The following KATNAL2 variants were observed in gnomAD, a reference collection of about 807,000 sequenced individuals.
KATNAL2 encodes katanin p60 ATPase-containing subunit A-like 2.
KATNAL2 carries 52 observed loss-of-function variants against 76.3 expected under a neutral mutation model. The observed-to-expected ratio is 0.68, with a 90% CI of 0.55 to 0.86. The LOEUF (loss-of-function observed/expected upper bound fraction) is 0.86, where lower values mean the gene tolerates loss of function less well. Among genes scored for constraint, KATNAL2 ranks in the 40% least tolerant of loss-of-function variants. KATNAL2 has a pLI of 0.00. For synonymous variants in KATNAL2, 243 were observed against 244.2 expected, an observed-to-expected ratio of 1.00 and a Z score of 0.05; for missense variants, 660 against 668.9, an observed-to-expected ratio of 0.99 and a Z score of 0.15.
intron 2 of KATNAL2, 33 bp from the exon 3 acceptor site, chr18:46,946,820 GC>G: frequency 6.6e-7 from 1 of 1,520,222 alleles, no homozygotes; most frequent in Non-Finnish European, 8.8e-7. Context: ...CGACCGGTCA[GC>G]CCAGTAACTG....
chr18:46,959,999 C>T (rs541568666), intron 3 of KATNAL2, among the ~76,000 whole-genome samples: 6 of 152,372 alleles, frequency 3.9e-5, no homozygotes, highest in African/African-American at 1.4e-4. Flanking sequence ...CAGACCAGGT[C>T]TCCTGTAAGA....
intron 15 of KATNAL2, among the ~76,000 whole-genome samples, chr18:47,084,847 T>TA (rs34034453): frequency 0.014 from 350 of 25,524 alleles, 50 homozygotes; most frequent in East Asian, 0.027. Context: ...AGACTCTGTC[T>TA]AAAAAAAAAA....
chr18:47,042,594 G>A (rs1190841174), intron 3 of KATNAL2, among the ~76,000 whole-genome samples: 3 of 151,968 alleles, frequency 2.0e-5, no homozygotes, highest in African/African-American at 7.2e-5. Flanking sequence ...CAGAGAATAA[G>A]AAGAAGCTCC....
In KATNAL2 at chr18:47,099,250, G is replaced by A; in HGVS notation, c.1219G>A (p.Asp407Asn). 1 of 1,612,862 alleles carries A rather than the reference G, an allele frequency of 6.2e-7. No individual in the cohort carries two copies. The highest frequency in any genetic ancestry group is 8.5e-7 in the Non-Finnish European group (1 of 1,179,308). ...LAASNLPWEL[D>N]CAMLRRLEKR... ...TTTCTGGTGTGATTTCAGGGAGCTG[G>A]ACTGTGCCATGTTACGCCGCCTGGA... The change falls in exon 16 of 18, where the codon GAC (aspartate) becomes AAC (asparagine). Residue 407 changes from aspartate (D) to asparagine (N), a missense_variant. Physicochemically the swap from Asp to Asn is conservative, Grantham distance 23 (BLOSUM62 1). Transcript: ENST00000683218.
chr18:47,059,711 C>A (rs1273224181), intron 8 of KATNAL2, 57 bp downstream of exon 8: 3 of 1,207,858 alleles, frequency 2.5e-6, no homozygotes, highest in Admixed American at 1.8e-5. Context: ...TCCTTTTAAA[C>A]ATGAAAACAA....
chr18:47,032,777 C>T (rs2060534840), intron 3 of KATNAL2: 3 of 725,248 alleles, frequency 4.1e-6, no homozygotes, highest in Non-Finnish European at 4.4e-6. Context: ...GTTCCCAATG[C>T]GTTCATATCT....
intron 3 of KATNAL2, among the ~76,000 whole-genome samples, chr18:47,031,853 A>C (rs531414806): frequency 6.6e-6 from 1 of 152,162 alleles, no homozygotes; most frequent in South Asian, 2.1e-4. Flanking sequence ...TCTTCCTGAA[A>C]TGCAGTATCC....
rs760089461 is a variant in KATNAL2, at chr18:47,052,910, A to G, written c.153A>G (p.Gln51=). 1.9e-6 allele frequency: 3 copies of G among 1,611,778 alleles called. No individual in the cohort carries two copies. In the South Asian group the frequency reaches 3.3e-5, roughly 18 times the overall value. The change falls in exon 5 of 18, where the codon CAA becomes CAG. Residue 51 remains glutamine (Q), a synonymous_variant. Transcript: ENST00000683218. ...TCGATACAGCAAATGCTTTGGAGCAAGAAACTAAACTGGGGTTACGACGGT... is the reference window on the plus strand; with the variant it reads ...TCGATACAGCAAATGCTTTGGAGCAGGAAACTAAACTGGGGTTACGACGGT... The part of the protein sequence containing the change: ...GYIDTANALE[Q]ETKLGLRRFE...
chr18:47,052,772 T>C (rs1569084382), intron 4 of KATNAL2, 108 bp from the exon 5 acceptor site: 11 of 805,686 alleles, frequency 1.4e-5, no homozygotes, highest in Non-Finnish European at 1.9e-5. Context: ...TAATGTGCTA[T>C]ATATAGGCTT....
chr18:47,051,816 C>A (rs971932105), intron 4 of KATNAL2, among the ~76,000 whole-genome samples: 12 of 152,138 alleles, frequency 7.9e-5, no homozygotes, highest in African/African-American at 2.9e-4. Flanking sequence ...GTAATCCCAA[C>A]ACTTTGGAGG....
At position 47,071,953 on chromosome 18, in the gene KATNAL2, CTTTTTTTTTTTTTTTTT is replaced by C. The variant is rs574265545; in HGVS notation, c.1008+2375_1008+2391del. Reference sequence around the variant, plus strand: ...GAAACAATTCCTCTCCCAATTTCTTCTTTTTTTTTTTTTTTTTTTTTTTTTTTTTTTTTTTTTTACAG... The same window carrying C: ...GAAACAATTCCTCTCCCAATTTCTTCTTTTTTTTTTTTTTTTTTTTTACAG... On this transcript the variant is annotated intron_variant, in intron 13 of 17. Transcript: ENST00000683218. 8.2e-4 allele frequency among the ~76,000 whole-genome samples: 36 copies of C among 43,956 alleles called. No individual in the cohort carries two copies. In the South Asian group the frequency reaches 0.01, roughly 13 times the overall value. 28.8% of individuals were successfully genotyped at this position (43,956 alleles called of 152,430 possible).
At chr18:47,076,267 A>G (rs1463304365) in intron 14 of KATNAL2, 3 of 152,250 alleles carry the variant, frequency 2.0e-5, no homozygotes, top group Non-Finnish European at 4.4e-5. Flanking sequence ...AAGCAACCAT[A>G]AAGATGTACC....
intron 4 of KATNAL2, among the ~76,000 whole-genome samples, chr18:47,049,098 C>T (rs2061259633): frequency 6.6e-6 from 1 of 152,222 alleles, no homozygotes; most frequent in Admixed American, 6.5e-5. Flanking sequence ...GCTGGGATTA[C>T]AGGCGTGAGC....
At chr18:47,096,991 G>A (rs961969547) in intron 15 of KATNAL2, among the ~76,000 whole-genome samples, 4 of 151,644 alleles carry the variant, frequency 2.6e-5, no homozygotes, top group Non-Finnish European at 4.4e-5. Context: ...AGCCGGGCTC[G>A]CACCTGTAGT....
In KATNAL2 at chr18:47,052,921, T is replaced by C; in HGVS notation, c.164T>C (p.Leu55Pro). Residue 55 changes from leucine (L) to proline (P), a missense_variant, in exon 5 of 18, where the codon CTG becomes CCG. Physicochemically the swap from Leu to Pro is moderately conservative, Grantham distance 98 (BLOSUM62 -3). Transcript: ENST00000683218. ...AATGCTTTGGAGCAAGAAACTAAAC[T>C]GGGGTTACGACGGTTTGAAGTTTGT... is the stretch of plus-strand genomic sequence containing the variant. Reference protein sequence around the residue: ...TANALEQETKLGLRRFEVCDN... With the variant: ...TANALEQETKPGLRRFEVCDN... The C allele has an allele frequency of 1.2e-6, 2 of 1,612,204 alleles. No individual in the cohort carries two copies. The highest frequency in any genetic ancestry group is 8.5e-7 in the Non-Finnish European group (1 of 1,179,326).
At chr18:47,097,209 A>G (rs528538425) in intron 15 of KATNAL2, among the ~76,000 whole-genome samples, 36 of 152,134 alleles carry the variant, frequency 2.4e-4, no homozygotes, top group African/African-American at 8.7e-4. Flanking sequence ...ATTGATTCAG[A>G]CAAAGATCAT....
intron 1 of KATNAL2, among the ~76,000 whole-genome samples, chr18:46,931,577 C>G (rs2146555223): frequency 6.6e-6 from 1 of 152,088 alleles, no homozygotes; most frequent in Middle Eastern, 3.4e-3. Context: ...CACTTGAATT[C>G]AGGAGGCGGA....
At chr18:46,929,166 C>A (rs370740094) in intron 1 of KATNAL2, among the ~76,000 whole-genome samples, 2 of 151,650 alleles carry the variant, frequency 1.3e-5, no homozygotes, top group Non-Finnish European at 2.9e-5. Flanking sequence ...AATCATACAG[C>A]GTATACTCTT....
At chr18:47,031,624 G>T (rs2060453206) in intron 3 of KATNAL2, among the ~76,000 whole-genome samples, 2 of 152,230 alleles carry the variant, frequency 1.3e-5, no homozygotes, top group African/African-American at 4.8e-5. Flanking sequence ...GTGTAATACT[G>T]GCAATTCTTC....
Sources: allele counts gnomAD v4.1 joint callset (sites outside exome capture counted in the v4.1 genomes callset), GRCh38; gene constraint gnomAD v4.1.1; transcripts MANE v1.5; gene names NCBI Gene and HGNC (gene_info 2026-07-23, HGNC 2026-07-21).